Variants in GSE1 observed in about 807,000 individuals in gnomAD.
The protein encoded by GSE1 is genetic suppressor element 1.
In GSE1, 32 loss-of-function variants were observed where a neutral mutation model predicts 112.6. The ratio of observed to expected loss-of-function variants is 0.28; its 90% CI spans 0.21 to 0.38. The LOEUF is 0.38. GSE1 is among the 10% of genes least tolerant of loss of function. The pLI is 1.00. For missense variants in GSE1, 2,348 were observed against 1,699.2 expected, an observed-to-expected ratio of 1.38 and a Z score of -6.71; for synonymous variants, 1,115 against 735.6, an observed-to-expected ratio of 1.52 and a Z score of -8.35.
At chr16:85,590,866 C>A (rs912763088) in intron 1 of GSE1, among the ~76,000 whole-genome samples, 1 of 152,196 alleles carries the variant, frequency 6.6e-6, no homozygotes, top group Non-Finnish European at 1.5e-5. Flanking sequence ...AATGGGAACC[C>A]CGTTTTCCCC....
intron 2 of GSE1, among the ~76,000 whole-genome samples, chr16:85,438,212 G>C (rs1473909818): frequency 2.6e-5 from 4 of 152,266 alleles, no homozygotes; most frequent in African/African-American, 7.2e-5. Flanking sequence ...TAGAGTGTGT[G>C]GAATGAGAGA....
At chr16:85,361,726 G>A (rs1209375282) in intron 2 of GSE1, among the ~76,000 whole-genome samples, 1 of 152,234 alleles carries the variant, frequency 6.6e-6, no homozygotes, top group Non-Finnish European at 1.5e-5. Flanking sequence ...AGCCTGTGCC[G>A]ACCTGGGCCC....
At chr16:85,596,845 G>A (rs1052624482) in intron 1 of GSE1, among the ~76,000 whole-genome samples, 2 of 152,106 alleles carry the variant, frequency 1.3e-5, no homozygotes, top group Non-Finnish European at 2.9e-5. Context: ...AGATCAGCCT[G>A]GCCAATGTGG....
chr16:85,522,458 TGCCC>T (rs1485745095), intron 2 of GSE1, among the ~76,000 whole-genome samples: 1 of 144,924 alleles, frequency 6.9e-6, no homozygotes, highest in Non-Finnish European at 1.5e-5. Context: ...GAGACCTTCC[TGCCC>T]GCCTCATCCA....
intron 2 of GSE1, among the ~76,000 whole-genome samples, chr16:85,514,437 ACC>A (rs1169600256): frequency 1.4e-4 from 6 of 43,172 alleles, no homozygotes; most frequent in East Asian, 1.9e-3. Flanking sequence ...CCCCCCCCCC[ACC>A]CCAGGGCAGC....
intron 2 of GSE1, among the ~76,000 whole-genome samples, chr16:85,544,462 G>C (rs8047110): frequency 0.11 from 16,636 of 152,204 alleles, 1,266 homozygotes; most frequent in African/African-American, 0.21. Context: ...GCGAGGAAGA[G>C]CAATAGGAAA....
chr16:85,308,277 T>C (rs1235571467), intron 1 of GSE1, among the ~76,000 whole-genome samples: 1 of 151,992 alleles, frequency 6.6e-6, no homozygotes, highest in Admixed American at 6.6e-5. Context: ...AAAGGATGAC[T>C]ACTCCCACCA....
At chr16:85,169,795 C>T (rs1234036710) in exon 1 of GSE1, 11 of 984,160 alleles carry the variant, frequency 1.1e-5, no homozygotes, top group African/African-American at 1.1e-4. Flanking sequence ...CGCCGTGTGC[C>T]GCTGCTTCCT....
intron 1 of GSE1, among the ~76,000 whole-genome samples, chr16:85,329,377 G>T (rs899846680): frequency 1.3e-5 from 2 of 152,144 alleles, no homozygotes; most frequent in Non-Finnish European, 2.9e-5. Flanking sequence ...AAGACATAGG[G>T]CGGGTGTGAG....
At chr16:85,216,173 G>T (rs983301404) in intron 1 of GSE1, among the ~76,000 whole-genome samples, 3 of 152,170 alleles carry the variant, frequency 2.0e-5, no homozygotes, top group African/African-American at 7.2e-5. Flanking sequence ...CCCCTTAAAG[G>T]GCTTAAAGGT....
chr16:85,237,466 G>C (rs897209887), intron 1 of GSE1, among the ~76,000 whole-genome samples: 2 of 152,298 alleles, frequency 1.3e-5, no homozygotes, highest in Admixed American at 1.3e-4. Flanking sequence ...TACAGTCCTG[G>C]GAGGGAGTTC....
chr16:85,355,130 T>A (rs554948132), intron 1 of GSE1, among the ~76,000 whole-genome samples: 12 of 152,282 alleles, frequency 7.9e-5, no homozygotes, highest in South Asian at 4.2e-4. Context: ...ATACGTCCCT[T>A]GCATGCAGAG....
At chr16:85,611,601 G>GCCTT (rs1337343792), upstream of GSE1, 9 of 552,226 alleles carry the variant, frequency 1.6e-5, no homozygotes, top group Non-Finnish European at 1.8e-5. Flanking sequence ...TCTGCCCGGA[G>GCCTT]CCTTGTGCAA....
At chr16:85,366,656 G>T (rs991238831) in intron 2 of GSE1, among the ~76,000 whole-genome samples, 19 of 152,306 alleles carry the variant, frequency 1.2e-4, no homozygotes, top group South Asian at 1.0e-3. Context: ...ACTTAGACTG[G>T]GATCTGGTTT....
intron 2 of GSE1, among the ~76,000 whole-genome samples, chr16:85,404,493 GC>G (rs1373260200): frequency 4.0e-5 from 2 of 49,936 alleles, no homozygotes; most frequent in Admixed American, 2.0e-4. Flanking sequence ...TACACTCAGG[GC>G]CCCCCCGGAT....
At chr16:85,555,869 C>A, upstream of GSE1, 3 of 825,740 alleles carry the variant, frequency 3.6e-6, no homozygotes, top group Non-Finnish European at 4.3e-6. Context: ...GATCTTAACC[C>A]CCCAATTTCA....
chr16:85,515,907 C>T (rs923588334), intron 2 of GSE1, among the ~76,000 whole-genome samples: 1 of 152,160 alleles, frequency 6.6e-6, no homozygotes, highest in African/African-American at 2.4e-5. Flanking sequence ...AGTGGCTGTT[C>T]CCACCCGGAG....
chr16:85,444,945 C>CTTT (rs2151789680), intron 2 of GSE1, among the ~76,000 whole-genome samples: 1 of 152,348 alleles, frequency 6.6e-6, no homozygotes, highest in Non-Finnish European at 1.5e-5. Flanking sequence ...CCACTGCCCA[C>CTTT]GTTGTCACAG....
At chr16:85,354,595 C>T (rs923830139) in intron 1 of GSE1, among the ~76,000 whole-genome samples, 4 of 152,266 alleles carry the variant, frequency 2.6e-5, no homozygotes, top group African/African-American at 7.2e-5. Flanking sequence ...CCTGGCCCCC[C>T]AGCTCCAGGA....
Sources: allele counts gnomAD v4.1 joint callset (sites outside exome capture counted in the v4.1 genomes callset), GRCh38; gene constraint gnomAD v4.1.1; transcripts MANE v1.5; gene names NCBI Gene and HGNC (gene_info 2026-07-23, HGNC 2026-07-21).